IFT74: variants seen among roughly 807,000 people sequenced by gnomAD.
The protein encoded by IFT74 is intraflagellar transport protein 74 homolog.
Under a neutral mutation model 96.7 loss-of-function variants are expected in IFT74, and 92 were observed. The ratio of observed to expected loss-of-function variants is 0.95; its 90% CI spans 0.80 to 1.13. The LOEUF (loss-of-function observed/expected upper bound fraction) is 1.13, where lower values mean the gene tolerates loss of function less well. Among genes scored for constraint, IFT74 ranks in the 50% most tolerant of loss-of-function variants. IFT74 has a pLI of 0.00. For missense variants in IFT74, 811 were observed against 698.2 expected (o/e 1.16, Z -1.82); for synonymous variants, 223 against 213.2 (o/e 1.05, Z -0.40).
exon 1 of IFT74, chr9:26,947,130 G>C (rs763977317): frequency 7.2e-7 from 1 of 1,383,986 alleles, no homozygotes; most frequent in Non-Finnish European, 9.4e-7. Flanking sequence ...GGGCCGCGGC[G>C]GGAGAAGAGC....
chr9:26,947,184 G>C (rs1328242559), intron 1 of IFT74: 2 of 1,018,430 alleles, frequency 2.0e-6, no homozygotes, highest in South Asian at 1.9e-5. Flanking sequence ...CCCGAGAGCC[G>C]GTACGGAAGG....
intron 8 of IFT74, among the ~76,000 whole-genome samples, chr9:27,007,321 A>G (rs966343781): frequency 2.6e-5 from 4 of 152,202 alleles, no homozygotes; most frequent in Non-Finnish European, 2.9e-5. Flanking sequence ...ATTAGTTCTC[A>G]TCTTCCTACA....
rs148545980 is a variant in IFT74, at chr9:27,009,658, C to T, written c.726+500C>T. Reference sequence around the variant, plus strand: ...CTGCATTCCAGCCTGGGCAACAGAGCGAGACTCTGTCTCAAAAAAAAAAAG... The same window carrying T: ...CTGCATTCCAGCCTGGGCAACAGAGTGAGACTCTGTCTCAAAAAAAAAAAG... On this transcript the variant is annotated intron_variant, in intron 9 of 19. Coordinates refer to ENST00000380062, the MANE Select transcript of IFT74 (RefSeq NM_025103.4). Among the ~76,000 whole-genome samples the T allele has an allele frequency of 4.5e-3, 682 of 151,188 alleles. 5 individuals are homozygous for T. The highest frequency in any genetic ancestry group is 0.016 in the African/African-American group (652 of 41,156).
At chr9:26,978,411 A>G (rs1827220123) in intron 3 of IFT74, 148 bp downstream of exon 3, 2 of 731,324 alleles carry the variant, frequency 2.7e-6, no homozygotes, top group Admixed American at 7.0e-5. Context: ...ATAGCATGTA[A>G]GAATTATTAC....
At position 27,065,476 on chromosome 9, in the gene IFT74, A is replaced by G. The variant is rs549151716; in HGVS notation, c.*2740A>G. On this transcript the variant is annotated 3_prime_UTR_variant, in exon 20 of 20. Transcript: ENST00000380062. ...ATGCTGAGCAGTTTTACTAGTGAAG[A>G]TCAACATGGGAAAGTTAGCAAGTCT... Among the ~76,000 whole-genome samples the G allele has an allele frequency of 6.6e-6, 1 of 152,322 alleles. No homozygotes were observed. Among genetic ancestry groups the G allele is most frequent in the South Asian group, 2.1e-4 (1 of 4,830 alleles).
intron 7 of IFT74, among the ~76,000 whole-genome samples, chr9:26,989,876 C>T (rs1401358895): frequency 1.3e-5 from 2 of 152,060 alleles, no homozygotes; most frequent in East Asian, 3.8e-4. Context: ...ATTGAATTTA[C>T]ATTGAATTAT....
chr9:26,981,483 C>G (rs369526018), intron 4 of IFT74, among the ~76,000 whole-genome samples: 2 of 151,974 alleles, frequency 1.3e-5, no homozygotes, highest in African/African-American at 4.8e-5. Flanking sequence ...GGCATGATCT[C>G]GGTTGACTGC....
upstream of IFT74, among the ~76,000 whole-genome samples, chr9:26,952,438 G>A (rs1004826347): frequency 2.0e-5 from 3 of 151,736 alleles, no homozygotes; most frequent in African/African-American, 7.3e-5. Flanking sequence ...CACCATGCCC[G>A]GCTAATTTTT....
At chr9:27,035,914 G>C (rs1322023331) in intron 13 of IFT74, among the ~76,000 whole-genome samples, 2 of 152,150 alleles carry the variant, frequency 1.3e-5, no homozygotes, top group Non-Finnish European at 2.9e-5. Flanking sequence ...GGGGCACTGA[G>C]TGTGCCATGC....
At chr9:26,948,593 A>T (rs1825834417) in intron 1 of IFT74, among the ~76,000 whole-genome samples, 1 of 150,198 alleles carries the variant, frequency 6.7e-6, no homozygotes, top group Admixed American at 6.6e-5. Context: ...CAGCCTCCCG[A>T]GTAGCTGGGA....
At chr9:27,005,574 T>C (rs1032827297) in intron 8 of IFT74, 1 of 152,012 alleles carries the variant, frequency 6.6e-6, no homozygotes, top group African/African-American at 2.4e-5. Flanking sequence ...ACCAAAGCTA[T>C]AAATATACAT....
intron 1 of IFT74, among the ~76,000 whole-genome samples, chr9:26,958,659 T>A (rs185208420): frequency 2.6e-5 from 4 of 152,234 alleles, no homozygotes; most frequent in East Asian, 1.9e-4. Flanking sequence ...TTTGAGCAGA[T>A]GATAATGAGT....
chr9:27,005,863 G>A (rs1280124307), intron 8 of IFT74, among the ~76,000 whole-genome samples: 2 of 151,468 alleles, frequency 1.3e-5, no homozygotes, highest in African/African-American at 2.4e-5. Context: ...TTTTTGAGAT[G>A]AAGTCTCGCT....
rs183547380 is a variant in IFT74, at chr9:27,062,926, A to T, written c.*190A>T. ...TAGTTCAATAAATGGTTTGCATATTAAAAAGTACCATCTTCTTTTCTTTTT... is the reference window on the plus strand; with the variant it reads ...TAGTTCAATAAATGGTTTGCATATTTAAAAGTACCATCTTCTTTTCTTTTT... On this transcript the variant is annotated 3_prime_UTR_variant, in exon 20 of 20. Transcript: ENST00000380062. 39 of 498,104 alleles carry T rather than the reference A, an allele frequency of 7.8e-5. No individual in the cohort carries two copies. The highest frequency in any genetic ancestry group is 1.2e-4 in the Non-Finnish European group (33 of 285,602). 30.9% of individuals were successfully genotyped at this position (498,104 alleles called of 1,614,324 possible).
intron 1 of IFT74, among the ~76,000 whole-genome samples, chr9:26,950,665 G>T (rs1008524480): frequency 1.3e-5 from 2 of 152,174 alleles, no homozygotes; most frequent in African/African-American, 4.8e-5. Flanking sequence ...TTCTGCAAAG[G>T]TAGTTTAAGT....
intron 8 of IFT74, among the ~76,000 whole-genome samples, chr9:27,003,889 T>G (rs1323335715): frequency 6.6e-6 from 1 of 152,220 alleles, no homozygotes; most frequent in Non-Finnish European, 1.5e-5. Flanking sequence ...TACCTATGTT[T>G]AATGATTTAT....
At chr9:27,030,679 T>A (rs1830079526) in intron 13 of IFT74, among the ~76,000 whole-genome samples, 1 of 152,146 alleles carries the variant, frequency 6.6e-6, no homozygotes, top group Admixed American at 6.6e-5. Context: ...GGCTACAAGC[T>A]CTGCATCATT....
rs529869753 is a variant in IFT74 at position 27,009,989 on chromosome 9, T to A, written c.726+831T>A. Among the ~76,000 whole-genome samples, 492 of 151,918 alleles carry A rather than the reference T, an allele frequency of 3.2e-3. 1 individual carries two copies. Among genetic ancestry groups the A allele is most frequent in the South Asian group, 4.6e-3 (22 of 4,818 alleles). Reference sequence around the variant, plus strand: ...TGGAAACATTTTTTTTTTTTTAATTTAAAAAAAATTTTTTTTTTGAGACGG... The same window carrying A: ...TGGAAACATTTTTTTTTTTTTAATTAAAAAAAAATTTTTTTTTTGAGACGG... On this transcript the variant is annotated intron_variant, in intron 9 of 19. Coordinates refer to ENST00000380062, the MANE Select transcript of IFT74 (RefSeq NM_025103.4).
chr9:27,042,210 CA>C (rs1819513450), intron 13 of IFT74, among the ~76,000 whole-genome samples: 1 of 152,040 alleles, frequency 6.6e-6, no homozygotes, highest in African/African-American at 2.4e-5. Context: ...ATCTAAAACT[CA>C]GAGAATATAT....
Sources: gnomAD v4.1 joint callset for allele counts (sites outside exome capture counted in the v4.1 genomes callset) on GRCh38, gnomAD v4.1.1 for gene constraint, MANE v1.5 for transcripts, NCBI Gene and HGNC (gene_info 2026-07-23, HGNC 2026-07-21) for gene names.